PTPRB: variants seen among roughly 807,000 people sequenced by gnomAD.
PTPRB encodes receptor-type tyrosine-protein phosphatase beta.
Under a neutral mutation model 238.1 loss-of-function variants are expected in PTPRB, and 97 were observed. That is an observed-to-expected ratio of 0.41 (90% CI 0.35 to 0.48). The LOEUF (loss-of-function observed/expected upper bound fraction) is 0.48. Among genes scored for constraint, PTPRB ranks in the 20% least tolerant of loss-of-function variants. The pLI is 0.30. For synonymous variants in PTPRB, 970 were observed against 995.4 expected, an observed-to-expected ratio of 0.97 and a Z score of 0.48; for missense variants, 2,292 against 2,681.9, an observed-to-expected ratio of 0.85 and a Z score of 3.21.
chr12:70,543,885 T>C (rs1447628260), intron 22 of PTPRB, among the ~76,000 whole-genome samples: 1 of 152,156 alleles, frequency 6.6e-6, no homozygotes, highest in Non-Finnish European at 1.5e-5. Context: ...GGGATGATAA[T>C]AGCATCTAGC....
Position 70,540,006 on chromosome 12 carries a change from G to T in PTPRB, c.5611C>A (p.Pro1871Thr), listed in dbSNP as rs772512926. ...RQKVSHGRER[P>T]SARLSIRRDR... ...CTACGAATGCTCAGACGGGCAGAGG[G>T]TCTTTCTCGACCATGGCTGAAACAT... Residue 1871 changes from proline (P) to threonine (T), a missense_variant, in exon 24 of 34, where the codon CCC becomes ACC. Around this residue, in one of 4 missense-constraint regions of PTPRB, gnomAD observed 397 missense variants for 502.0 expected, o/e 0.79. Coordinates refer to ENST00000334414, the MANE Select transcript of PTPRB (RefSeq NM_001109754.4). 1 of 1,608,966 alleles carries T rather than the reference G, an allele frequency of 6.2e-7. No individual in the cohort carries two copies. Among genetic ancestry groups the T allele is most frequent in the Non-Finnish European group, 8.5e-7 (1 of 1,175,454 alleles).
At chr12:70,534,359 G>A (rs1873759823) in intron 31 of PTPRB, 129 bp downstream of exon 31, 2 of 995,986 alleles carry the variant, frequency 2.0e-6, no homozygotes, top group African/African-American at 1.6e-5. Flanking sequence ...CCCTCTGGGG[G>A]CGAGGCAGGC....
At chr12:70,627,416 A>G (rs1885256124) in intron 2 of PTPRB, among the ~76,000 whole-genome samples, 1 of 152,336 alleles carries the variant, frequency 6.6e-6, no homozygotes, top group South Asian at 2.1e-4. Flanking sequence ...ACAATGATTT[A>G]ATTTGTTTGA....
At chr12:70,586,625 T>C (rs1881939667) in intron 9 of PTPRB, among the ~76,000 whole-genome samples, 1 of 152,328 alleles carries the variant, frequency 6.6e-6, no homozygotes, top group African/African-American at 2.4e-5. Context: ...ATGATTTCCC[T>C]TCTACATCTT....
rs1001707869 is a variant in PTPRB at position 70,516,449 on chromosome 12, C to T, written c.*5040G>A. The T allele has an allele frequency of 3.3e-5, 5 of 152,212 alleles. No homozygotes were observed. Among genetic ancestry groups the T allele is most frequent in the Non-Finnish European group, 7.3e-5 (5 of 68,036 alleles). 9.4% of individuals were successfully genotyped at this position (152,212 alleles called of 1,614,324 possible). ...TTCCAGTAGAGCACTGGTGCACCCT[C>T]TTGTCAGTGTGGCAGACTAGGACAT... is the stretch of plus-strand genomic sequence containing the variant. On this transcript the variant is annotated 3_prime_UTR_variant, in exon 34 of 34. Transcript: ENST00000334414.
chr12:70,585,533 G>A (rs987996094), intron 9 of PTPRB, among the ~76,000 whole-genome samples: 2 of 151,962 alleles, frequency 1.3e-5, no homozygotes, highest in African/African-American at 4.8e-5. Flanking sequence ...AAGATCTGAT[G>A]GTTTTATAAG....
intron 3 of PTPRB, among the ~76,000 whole-genome samples, chr12:70,620,515 A>T (rs938554099): frequency 3.3e-5 from 5 of 151,976 alleles, no homozygotes; most frequent in Non-Finnish European, 5.9e-5. Context: ...GACACACTTA[A>T]TTTTTTTTCT....
At position 70,534,654 on chromosome 12, in the gene PTPRB, G is replaced by GT. The variant is rs1592406445; in HGVS notation, c.6205-4dup. ...CTGTGTGCATCAAGCTGTTCCTCCT[G>GT]TAAGAGCAGAGAGCAGGATAAAAGA... is the stretch of plus-strand genomic sequence containing the variant. On this transcript the variant is annotated splice_region_variant and splice_polypyrimidine_tract_variant and intron_variant, in intron 30 of 33. Coordinates refer to ENST00000334414, the MANE Select transcript of PTPRB (RefSeq NM_001109754.4). 1 of 1,611,496 alleles carries GT rather than the reference G, an allele frequency of 6.2e-7. No individual in the cohort carries two copies. Among genetic ancestry groups the GT allele is most frequent in the Non-Finnish European group, 8.5e-7 (1 of 1,178,838 alleles).
intron 15 of PTPRB, 118 bp downstream of exon 15, chr12:70,566,317 G>A: frequency 7.8e-7 from 1 of 1,280,410 alleles, no homozygotes; most frequent in Non-Finnish European, 1.1e-6. Context: ...AATGTTCCCA[G>A]CGTATCAAGA....
chr12:70,606,825 T>A (rs1369646594), intron 4 of PTPRB, among the ~76,000 whole-genome samples: 1 of 152,224 alleles, frequency 6.6e-6, no homozygotes, highest in Non-Finnish European at 1.5e-5. Context: ...CCTGAAACAA[T>A]TTTTAAAATA....
intron 2 of PTPRB, among the ~76,000 whole-genome samples, chr12:70,627,102 C>T (rs1423638371): frequency 1.3e-5 from 2 of 152,126 alleles, no homozygotes; most frequent in Non-Finnish European, 2.9e-5. Flanking sequence ...CCAACTATTA[C>T]TCAACGATTC....
chr12:70,559,592 C>T lies in PTPRB; in HGVS notation c.4465G>A (p.Asp1489Asn), dbSNP rs776725934. The T allele has an allele frequency of 6.2e-6, 10 of 1,612,558 alleles. No homozygotes were observed. In the Admixed American group the frequency reaches 1.2e-4, roughly 19 times the overall value. ...ATGGCCAAGGATGTGTTTGCAATGT[C>T]AGCAAATGACATAAGACTGGGAGGA... ...PSPPSLMSFA[D>N]IANTSLAITW... is the part of the protein sequence containing the mutation. Residue 1489 changes from aspartate to asparagine, a missense_variant, in exon 18 of 34, where the codon GAC (aspartate) becomes AAC (asparagine). Transcript: ENST00000334414.
At chr12:70,608,827 A>C (rs922805810) in intron 4 of PTPRB, 3 of 552,056 alleles carry the variant, frequency 5.4e-6, no homozygotes, top group Non-Finnish European at 9.3e-6. Context: ...ACCGCCCTGC[A>C]CCCCACCCCG....
Position 70,569,954 on chromosome 12 carries a change from A to C in PTPRB, c.3371-16T>G, listed in dbSNP as rs1354352975. On this transcript the variant is annotated splice_polypyrimidine_tract_variant and intron_variant, in intron 13 of 33. Coordinates refer to ENST00000334414, the MANE Select transcript of PTPRB (RefSeq NM_001109754.4). ...GCACTAGGAACTAAAACAGAAAATAAATTTAAAAGTCATCACTTAGAGAAT... is the reference window on the plus strand; with the variant it reads ...GCACTAGGAACTAAAACAGAAAATACATTTAAAAGTCATCACTTAGAGAAT... 1.3e-6 allele frequency: 2 copies of C among 1,587,894 alleles called. No homozygotes were observed. The highest frequency in any genetic ancestry group is 1.7e-6 in the Non-Finnish European group (2 of 1,158,238).
chr12:70,548,710 A>G (rs1475966317), intron 21 of PTPRB, among the ~76,000 whole-genome samples: 1 of 152,148 alleles, frequency 6.6e-6, no homozygotes, highest in Non-Finnish European at 1.5e-5. Flanking sequence ...TATCACAACT[A>G]CTTTCCCCAG....
intron 3 of PTPRB, among the ~76,000 whole-genome samples, chr12:70,617,408 TCA>T (rs1172427496): frequency 1.3e-5 from 2 of 152,200 alleles, no homozygotes; most frequent in East Asian, 3.8e-4. Flanking sequence ...ATCAGCAGTC[TCA>T]GAGTCTGTTT....
At chr12:70,593,340 C>T (rs1462993646) in intron 6 of PTPRB, among the ~76,000 whole-genome samples, 1 of 151,776 alleles carries the variant, frequency 6.6e-6, no homozygotes, top group Non-Finnish European at 1.5e-5. Flanking sequence ...TGGTGAAACC[C>T]CATCTCTACG....
In PTPRB at chr12:70,595,070, AAG is replaced by A. The variant is rs1882869208; in HGVS notation, c.1259-348_1259-347del. Among the ~76,000 whole-genome samples the A allele has an allele frequency of 2.6e-5, 4 of 152,152 alleles. No individual in the cohort carries two copies. The South Asian group carries it at 8.3e-4, about 32-fold the overall frequency. ...GAAAAATGGAGAGGAAGATTTAAAA[AAG>A]AGAGGGAAAATGTGGCACATATACA... On this transcript the variant is annotated intron_variant, in intron 5 of 33. Coordinates refer to ENST00000334414, the MANE Select transcript of PTPRB (RefSeq NM_001109754.4).
chr12:70,579,628 C>T (rs1192407500), intron 10 of PTPRB, among the ~76,000 whole-genome samples: 3 of 143,790 alleles, frequency 2.1e-5, no homozygotes, highest in South Asian at 2.2e-4. Flanking sequence ...ACCAGGGAGT[C>T]GGAGGTTGCA....
Sources: allele counts gnomAD v4.1 joint callset (sites outside exome capture counted in the v4.1 genomes callset), GRCh38; gene constraint gnomAD v4.1.1; regional missense constraint gnomAD v4.1.1; transcripts MANE v1.5; gene names NCBI Gene and HGNC (gene_info 2026-07-23, HGNC 2026-07-21).